The following IL1RAPL2 variants were observed in gnomAD, a reference collection of about 807,000 sequenced individuals.
The protein encoded by IL1RAPL2 is X-linked interleukin-1 receptor accessory protein-like 2.
Under a neutral mutation model 44.1 loss-of-function variants are expected in IL1RAPL2, and 3 were observed. The ratio of observed to expected loss-of-function variants is 0.07; its 90% CI spans 0.03 to 0.18. IL1RAPL2 has a LOEUF of 0.18. Ranked by LOEUF, IL1RAPL2 falls within the 10% of genes least tolerant of loss-of-function variation. The probability of loss-of-function intolerance (pLI) is 1.00; values close to 1 mark genes in which losing one functional copy is unlikely to be tolerated. For missense variants in IL1RAPL2, 391 were observed against 496.4 expected (o/e 0.79, Z 2.02); for synonymous variants, 181 against 178.8 (o/e 1.01, Z -0.10).
chrX:105,123,591 A>G (rs2032946476), intron 2 of IL1RAPL2, among the ~76,000 whole-genome samples: 1 of 111,515 alleles, frequency 9.0e-6, no homozygotes, highest in Non-Finnish European at 1.9e-5. Context: ...ATGATCTGAG[A>G]TGTAGTTGAT....
chrX:105,585,644 T>C (rs1314750172), intron 6 of IL1RAPL2, among the ~76,000 whole-genome samples: 1 of 111,565 alleles, frequency 9.0e-6, no homozygotes, highest in African/African-American at 3.3e-5. Flanking sequence ...ATTAGTTTGC[T>C]GAGGTTAATA....
chrX:104,874,554 C>T (rs991541975), intron 2 of IL1RAPL2, among the ~76,000 whole-genome samples: 2 of 111,125 alleles, frequency 1.8e-5, no homozygotes, highest in African/African-American at 6.5e-5. Flanking sequence ...TAATTTCAAG[C>T]TCCATTTAGA....
intron 1 of IL1RAPL2, among the ~76,000 whole-genome samples, chrX:104,587,616 T>G (rs1384869565): frequency 8.9e-6 from 1 of 112,411 alleles, no homozygotes; most frequent in African/African-American, 3.2e-5. Flanking sequence ...TGACATATTG[T>G]TGGAATAGAC....
In IL1RAPL2 at chrX:105,543,334, G is replaced by A. The variant is rs182603315; in HGVS notation, c.772+58947G>A. ...AAAATATCTACAACTCAAAAGCAGT[G>A]CATCAAATAGGTTGAAAAAGTATTT... On this transcript the variant is annotated intron_variant, in intron 6 of 10. Transcript: ENST00000372582. Among the ~76,000 whole-genome samples the A allele has an allele frequency of 2.1e-3, 236 of 112,380 alleles. 1 individual carries two copies. The highest frequency in any genetic ancestry group is 3.9e-3 in the Non-Finnish European group (207 of 53,313).
At chrX:105,234,679 ACAC>A (rs1278724224) in intron 4 of IL1RAPL2, among the ~76,000 whole-genome samples, 8 of 109,966 alleles carry the variant, frequency 7.3e-5, no homozygotes, top group Non-Finnish European at 1.5e-4. Context: ...ATTGCAGCAC[ACAC>A]CTGTAATCCC....
chrX:105,471,578 G>C (rs2036166124), intron 5 of IL1RAPL2, among the ~76,000 whole-genome samples: 1 of 103,243 alleles, frequency 9.7e-6, no homozygotes, highest in Admixed American at 1.0e-4. Flanking sequence ...ACTATGCAGT[G>C]CCTTTTTTTT....
At chrX:105,484,966 T>C (rs2147776242) in intron 6 of IL1RAPL2, among the ~76,000 whole-genome samples, 1 of 111,698 alleles carries the variant, frequency 9.0e-6, no homozygotes, top group African/African-American at 3.2e-5. Context: ...ACACCTCTTT[T>C]TAGAGCTCCT....
intron 2 of IL1RAPL2, among the ~76,000 whole-genome samples, chrX:104,778,819 G>T (rs2147601414): frequency 9.1e-6 from 1 of 110,049 alleles, no homozygotes; most frequent in Admixed American, 9.8e-5. Flanking sequence ...GTAGACTGGG[G>T]CTACCTTTCC....
chrX:105,277,374 T>C (rs897014659), intron 5 of IL1RAPL2, among the ~76,000 whole-genome samples: 1 of 112,242 alleles, frequency 8.9e-6, no homozygotes, highest in Non-Finnish European at 1.9e-5. Context: ...AGAAATCTCA[T>C]GACCAGCTTG....
chrX:105,080,653 A>G (rs1259085335), intron 2 of IL1RAPL2, among the ~76,000 whole-genome samples: 1 of 111,864 alleles, frequency 8.9e-6, no homozygotes, highest in African/African-American at 3.3e-5. Context: ...AGGTAGTGTG[A>G]TGCCTCAAGC....
At chrX:104,880,714 T>C (rs1923041937) in intron 2 of IL1RAPL2, among the ~76,000 whole-genome samples, 2 of 112,361 alleles carry the variant, frequency 1.8e-5, no homozygotes, top group South Asian at 7.3e-4. Flanking sequence ...GTCTATGTGA[T>C]TCTTATCACG....
At chrX:104,698,773 C>T (rs1334199728) in intron 2 of IL1RAPL2, among the ~76,000 whole-genome samples, 1 of 111,570 alleles carries the variant, frequency 9.0e-6, no homozygotes, top group African/African-American at 3.3e-5. Flanking sequence ...ATGGCTTATT[C>T]AAGGTGCCTT....
At chrX:105,702,249 T>C (rs1012764815) in intron 6 of IL1RAPL2, among the ~76,000 whole-genome samples, 1 of 111,370 alleles carries the variant, frequency 9.0e-6, no homozygotes, top group Non-Finnish European at 1.9e-5. Flanking sequence ...CTGTTGTGAA[T>C]AATCGGTTGG....
intron 2 of IL1RAPL2, among the ~76,000 whole-genome samples, chrX:105,110,501 T>G (rs1433875041): frequency 8.9e-6 from 1 of 112,268 alleles, no homozygotes; most frequent in Non-Finnish European, 1.9e-5. Flanking sequence ...CAATTTGCAT[T>G]TGGCAGGGCT....
chrX:105,283,906 T>C (rs1048925256), intron 5 of IL1RAPL2, among the ~76,000 whole-genome samples: 9 of 111,434 alleles, frequency 8.1e-5, no homozygotes, highest in African/African-American at 9.8e-5. Context: ...TTCTCCAGAA[T>C]TGTGAACAGT....
At chrX:105,720,848 G>C (rs1382575421) in intron 7 of IL1RAPL2, among the ~76,000 whole-genome samples, 1 of 109,064 alleles carries the variant, frequency 9.2e-6, no homozygotes, top group Non-Finnish European at 1.9e-5. Context: ...AAATCATGAG[G>C]ATAGTATATA....
At chrX:104,680,059 C>A (rs766055974) in intron 2 of IL1RAPL2, among the ~76,000 whole-genome samples, 51 of 111,785 alleles carry the variant, frequency 4.6e-4, no homozygotes, top group Non-Finnish European at 2.4e-4. Context: ...AGGGACCAGA[C>A]AGGTTTTTCA....
intron 7 of IL1RAPL2, among the ~76,000 whole-genome samples, chrX:105,720,859 G>C (rs2038297537): frequency 9.1e-6 from 1 of 109,451 alleles, no homozygotes; most frequent in Admixed American, 9.8e-5. Flanking sequence ...ATAGTATATA[G>C]AGTTCCTATA....
intron 2 of IL1RAPL2, among the ~76,000 whole-genome samples, chrX:104,982,833 A>T (rs1037823505): frequency 9.0e-6 from 1 of 111,219 alleles, no homozygotes. Context: ...CAAACTTTTC[A>T]ATTCTTGTAT....
Sources: gnomAD v4.1 joint callset for allele counts (sites outside exome capture counted in the v4.1 genomes callset) on GRCh38, gnomAD v4.1.1 for gene constraint, MANE v1.5 for transcripts, NCBI Gene and HGNC (gene_info 2026-07-23, HGNC 2026-07-21) for gene names.